Variants in TSPEAR observed in about 807,000 individuals in gnomAD.
TSPEAR encodes thrombospondin-type laminin G domain and EAR repeat-containing protein.
TSPEAR carries 69 observed loss-of-function variants against 71.6 expected under a neutral mutation model. That is an observed-to-expected ratio of 0.96 (90% CI 0.79 to 1.18). TSPEAR has a LOEUF of 1.18. TSPEAR is among the 50% of genes most tolerant of loss of function. The pLI, the probability that TSPEAR is intolerant of heterozygous loss-of-function variation, is 0.00. For missense variants in TSPEAR, 971 were observed against 894.9 expected, an observed-to-expected ratio of 1.09 and a Z score of -1.09; for synonymous variants, 402 against 387.2, an observed-to-expected ratio of 1.04 and a Z score of -0.45.
intron 1 of TSPEAR, chr21:44,702,900 C>T: frequency 1.6e-6 from 1 of 637,694 alleles, no homozygotes. Flanking sequence ...CACTGGTACA[C>T]ACCACAGTGT....
At chr21:44,577,429 A>G (rs1396389897) in intron 1 of TSPEAR, among the ~76,000 whole-genome samples, 1 of 152,204 alleles carries the variant, frequency 6.6e-6, no homozygotes, top group East Asian at 1.9e-4. Context: ...CTGAGGTCTC[A>G]GGAAGCTTTA....
At chr21:44,652,758 G>A (rs782151832) in intron 1 of TSPEAR, among the ~76,000 whole-genome samples, 1 of 152,132 alleles carries the variant, frequency 6.6e-6, no homozygotes, top group Admixed American at 6.5e-5. Context: ...GACTCCAGTT[G>A]ACTACATATC....
intron 10 of TSPEAR, chr21:44,508,618 C>T: frequency 8.5e-7 from 1 of 1,182,074 alleles, no homozygotes; most frequent in Non-Finnish European, 1.1e-6. Context: ...AATGTGGTGC[C>T]CACGCAACCT....
intron 1 of TSPEAR, among the ~76,000 whole-genome samples, chr21:44,660,264 T>C (rs1463112869): frequency 6.6e-6 from 1 of 152,104 alleles, no homozygotes; most frequent in African/African-American, 2.4e-5. Flanking sequence ...AAGTCCCATA[T>C]CCAAAAAGTT....
chr21:44,588,775 GTA>G (rs1419845031), intron 1 of TSPEAR, among the ~76,000 whole-genome samples: 1,241 of 111,692 alleles, frequency 0.011, 21 homozygotes, highest in African/African-American at 0.033. Context: ...GTATATATAT[GTA>G]TGTGTGTGTG....
chr21:44,585,061 G>A (rs1465565674), intron 1 of TSPEAR, among the ~76,000 whole-genome samples: 1 of 152,116 alleles, frequency 6.6e-6, no homozygotes, highest in Non-Finnish European at 1.5e-5. Flanking sequence ...TTTCCTTGAT[G>A]AGCATCTGCG....
At chr21:44,641,638 G>C (rs1555938583) in intron 1 of TSPEAR, among the ~76,000 whole-genome samples, 1 of 152,180 alleles carries the variant, frequency 6.6e-6, no homozygotes, top group Non-Finnish European at 1.5e-5. Context: ...GGGATCGAGG[G>C]GATGAACACA....
chr21:44,600,484 G>A (rs1555928301), intron 1 of TSPEAR: 1 of 1,022,020 alleles, frequency 9.8e-7, no homozygotes, highest in Non-Finnish European at 1.4e-6. Context: ...AGGGGCAGGA[G>A]TTGTTGACAC....
chr21:44,528,508 G>T lies in TSPEAR; in HGVS notation c.866C>A (p.Ala289Asp). The T allele has an allele frequency of 6.2e-7, 1 of 1,614,144 alleles. No individual in the cohort carries two copies. The highest frequency in any genetic ancestry group is 8.5e-7 in the Non-Finnish European group (1 of 1,180,032). Residue 289 changes from alanine (A) to aspartate (D), a missense_variant, in exon 6 of 12, where the codon GCC becomes GAC. Coordinates refer to ENST00000323084, the MANE Select transcript of TSPEAR (RefSeq NM_144991.3). The part of the protein sequence containing the change: ...EVEDAQFWFD[A>D]SRKGLYLCVG... ...ACACAGATACAGGCCCTTCCGGCTG[G>T]CATCAAACCAGAACTGGGCGTCTTC... is the stretch of plus-strand genomic sequence containing the variant.
intron 1 of TSPEAR, among the ~76,000 whole-genome samples, chr21:44,630,480 G>T (rs1555935506): frequency 6.6e-6 from 1 of 152,166 alleles, no homozygotes; most frequent in Non-Finnish European, 1.5e-5. Flanking sequence ...GGGAAATAAG[G>T]GCATTGGAAG....
chr21:44,515,031 A>C (rs1254569669), intron 9 of TSPEAR, among the ~76,000 whole-genome samples: 9 of 151,956 alleles, frequency 5.9e-5, no homozygotes, highest in African/African-American at 2.2e-4. Context: ...CCTGCACCCC[A>C]CACCCCCGCA....
At chr21:44,526,900 A>C (rs1028240352) in intron 7 of TSPEAR, among the ~76,000 whole-genome samples, 17 of 152,258 alleles carry the variant, frequency 1.1e-4, no homozygotes, top group Admixed American at 2.0e-4. Context: ...GCATGTGGAC[A>C]TCACGTGTCC....
chr21:44,699,724 C>G (rs1987560391), intron 1 of TSPEAR, among the ~76,000 whole-genome samples: 1 of 152,202 alleles, frequency 6.6e-6, no homozygotes, highest in Non-Finnish European at 1.5e-5. Flanking sequence ...TGCGTTCTCT[C>G]CCTGCCCCCA....
rs1412154157 is a variant in TSPEAR, at chr21:44,506,274, G to A, written c.1755-1393C>T. On this transcript the variant is annotated intron_variant, in intron 10 of 11. Transcript: ENST00000323084. This position sits in a 1 kb window ranked among gnomAD's most constrained non-coding sequence, Gnocchi z 4.2. Reference sequence around the variant, plus strand: ...CCCCTGGATCCTTTCCTCCCCAGGAGCCCACCTGCCGAGCTGTCAGCGTCA... The same window carrying A: ...CCCCTGGATCCTTTCCTCCCCAGGAACCCACCTGCCGAGCTGTCAGCGTCA... Among the ~76,000 whole-genome samples, 5 of 152,242 alleles carry A rather than the reference G, an allele frequency of 3.3e-5. No homozygotes were observed. Among genetic ancestry groups the A allele is most frequent in the Non-Finnish European group, 7.4e-5 (5 of 68,024 alleles).
At chr21:44,531,320 G>T (rs781880411) in intron 3 of TSPEAR, among the ~76,000 whole-genome samples, 187 bp from the exon 4 acceptor site, 2 of 152,220 alleles carry the variant, frequency 1.3e-5, no homozygotes, top group Non-Finnish European at 2.9e-5. Context: ...TCAGGCTGGG[G>T]CAGGGTTTCT....
At chr21:44,532,397 G>A (rs2052991208) in intron 3 of TSPEAR, among the ~76,000 whole-genome samples, 1 of 152,178 alleles carries the variant, frequency 6.6e-6, no homozygotes, top group South Asian at 2.1e-4. Context: ...TACGGGGTGG[G>A]AAGCTGCTGC....
intron 11 of TSPEAR, among the ~76,000 whole-genome samples, chr21:44,500,604 C>T (rs1489200233): frequency 1.3e-5 from 2 of 152,252 alleles, no homozygotes; most frequent in Non-Finnish European, 2.9e-5. Flanking sequence ...CTTCTGCTCT[C>T]ACGGGAAAGG....
chr21:44,707,606 C>G (rs1446980452), intron 1 of TSPEAR, among the ~76,000 whole-genome samples: 1 of 152,226 alleles, frequency 6.6e-6, no homozygotes, highest in Admixed American at 6.5e-5. Context: ...GGGGAAAAGC[C>G]CTGGCCTTAT....
At position 44,595,166 on chromosome 21, in the gene TSPEAR, TC is replaced by T. The variant is rs1414606118; in HGVS notation, c.83-27162del. Among the ~76,000 whole-genome samples, 16 of 152,250 alleles carry T rather than the reference TC, an allele frequency of 1.1e-4. No homozygotes were observed. The East Asian group carries it at 3.1e-3, about 29-fold the overall frequency. On this transcript the variant is annotated intron_variant, in intron 1 of 11. Transcript: ENST00000323084. ...ATGAACACAAGCAGTCACCCAATTC[TC>T]TTCTCAGGAAGCAGCTACTTTCACC...
Sources: gnomAD v4.1 joint callset for allele counts (sites outside exome capture counted in the v4.1 genomes callset) on GRCh38, gnomAD v4.1.1 for gene constraint, Gnocchi (gnomAD v3.1) non-coding constraint, MANE v1.5 for transcripts, NCBI Gene and HGNC (gene_info 2026-07-23, HGNC 2026-07-21) for gene names.